Variants in DMD observed in about 807,000 individuals in gnomAD.
DMD encodes mutant dystrophin.
Under a neutral mutation model 330.1 loss-of-function variants are expected in DMD, and 63 were observed. The ratio of observed to expected loss-of-function variants is 0.19; its 90% confidence interval spans 0.16 to 0.24. DMD has a LOEUF of 0.24. Ranked by LOEUF, DMD falls within the 10% of genes least tolerant of loss-of-function variation. The probability of loss-of-function intolerance (pLI) is 1.00; values close to 1 mark genes in which losing one functional copy is unlikely to be tolerated. For missense variants in DMD, 3,344 were observed against 2,684.1 expected (o/e 1.25, Z -5.43); for synonymous variants, 1,223 against 959.8 (o/e 1.27, Z -5.07).
At chrX:32,125,423 A>G (rs901930064) in intron 44 of DMD, among the ~76,000 whole-genome samples, 3 of 111,686 alleles carry the variant, frequency 2.7e-5, no homozygotes, top group Admixed American at 9.5e-5. Flanking sequence ...CTGGATGTGT[A>G]TCGGGTTTGA....
chrX:33,112,705 G>T (rs1379988494), intron 1 of DMD, among the ~76,000 whole-genome samples: 1 of 110,750 alleles, frequency 9.0e-6, no homozygotes. Context: ...TAAAATTGTG[G>T]CTCTTCCTCA....
At position 32,438,263 on chromosome X, in the gene DMD, C is replaced by A. The variant is rs750981128; in HGVS notation, c.4049G>T (p.Arg1350Leu). 1.7e-6 allele frequency: 2 copies of A among 1,209,514 alleles called. No individual in the cohort carries two copies. The highest frequency in any genetic ancestry group is 2.2e-6 in the Non-Finnish European group (2 of 894,958). ...INEELETFNS[R>L]WRELHEEAVR... ...TACCTCTTCATGTAGTTCCCTCCAA[C>A]GAGAATTAAATGTCTCAAGTTCCTC... Residue 1350 changes from arginine (R) to leucine (L), a missense_variant, in exon 29 of 79, where the codon CGT becomes CTT. Coordinates refer to ENST00000357033, the MANE Select transcript of DMD (RefSeq NM_004006.3).
chrX:31,530,619 A>G (rs1323909319), intron 55 of DMD, among the ~76,000 whole-genome samples: 2 of 98,926 alleles, frequency 2.0e-5, no homozygotes, highest in Non-Finnish European at 4.0e-5. Context: ...ACCTTGGTAT[A>G]TACCTAGATA....
At chrX:33,037,038 T>TTGA (rs1372419046) in intron 1 of DMD, among the ~76,000 whole-genome samples, 7 of 111,185 alleles carry the variant, frequency 6.3e-5, no homozygotes. Flanking sequence ...CTGGAAGGTT[T>TTGA]TGATTGCATT....
At chrX:31,284,581 C>CTT (rs967720947) in intron 62 of DMD, among the ~76,000 whole-genome samples, 1 of 95,103 alleles carries the variant, frequency 1.1e-5, no homozygotes, top group African/African-American at 4.1e-5. Context: ...TCTTCTTCTT[C>CTT]TTCTTCTTCT....
intron 47 of DMD, among the ~76,000 whole-genome samples, chrX:31,911,391 C>A (rs1481214922): frequency 4.5e-5 from 5 of 111,880 alleles, no homozygotes; most frequent in African/African-American, 6.5e-5. Context: ...CATTAGGTGA[C>A]TACAAAAGTA....
At chrX:31,959,827 T>A (rs1487312367) in intron 45 of DMD, among the ~76,000 whole-genome samples, 1 of 100,937 alleles carries the variant, frequency 9.9e-6, no homozygotes, top group East Asian at 3.2e-4. Context: ...TGCAATGGCA[T>A]GATCTTGTCT....
At chrX:32,847,281 T>G (rs2080770850) in intron 3 of DMD, among the ~76,000 whole-genome samples, 1 of 111,952 alleles carries the variant, frequency 8.9e-6, no homozygotes, top group Non-Finnish European at 1.9e-5. Context: ...AAACATAGTC[T>G]ACTCTTTTAA....
At chrX:31,229,734 C>G (rs934600514) in intron 63 of DMD, among the ~76,000 whole-genome samples, 2 of 111,731 alleles carry the variant, frequency 1.8e-5, no homozygotes, top group Non-Finnish European at 3.8e-5. Flanking sequence ...CAAATTTTCC[C>G]AAGAAGCCAA....
chrX:33,129,615 T>G (rs1275687593), intron 1 of DMD, among the ~76,000 whole-genome samples: 1 of 108,281 alleles, frequency 9.2e-6, no homozygotes, highest in Non-Finnish European at 1.9e-5. Flanking sequence ...AAAATGTGAC[T>G]GATTTTTTTT....
At chrX:32,359,409 C>A (rs1569559624) in intron 37 of DMD, among the ~76,000 whole-genome samples, 1 of 111,746 alleles carries the variant, frequency 8.9e-6, no homozygotes, top group Non-Finnish European at 1.9e-5. Context: ...TATGACCTAC[C>A]CGTGTTCAAT....
intron 44 of DMD, among the ~76,000 whole-genome samples, chrX:31,972,390 A>G (rs1204422074): frequency 9.0e-6 from 1 of 111,571 alleles, no homozygotes; most frequent in Non-Finnish European, 1.9e-5. Flanking sequence ...TTCTATGAAA[A>G]CATTACGTAC....
intron 44 of DMD, among the ~76,000 whole-genome samples, chrX:32,005,647 G>A (rs1015547974): frequency 9.0e-6 from 1 of 110,737 alleles, no homozygotes; most frequent in Non-Finnish European, 1.9e-5. Flanking sequence ...TGGTGAAAGA[G>A]CTGGGGTATA....
chrX:33,011,255 G>C (rs772053397), intron 2 of DMD, among the ~76,000 whole-genome samples: 1 of 111,086 alleles, frequency 9.0e-6, no homozygotes, highest in Non-Finnish European at 1.9e-5. Flanking sequence ...TCTTATTGTT[G>C]GCTCAACCAG....
intron 55 of DMD, among the ~76,000 whole-genome samples, chrX:31,596,348 T>C (rs994587790): frequency 9.8e-5 from 11 of 112,133 alleles, no homozygotes; most frequent in Non-Finnish European, 1.5e-4. Flanking sequence ...TTTCAAGCGA[T>C]GATGAATAAA....
chrX:32,189,821 T>C (rs2096964475), intron 44 of DMD, among the ~76,000 whole-genome samples: 1 of 111,225 alleles, frequency 9.0e-6, no homozygotes, highest in Non-Finnish European at 1.9e-5. Flanking sequence ...AGTTCATAAC[T>C]GTGCAGTAGA....
At chrX:32,807,144 A>AC (rs1279560829) in intron 7 of DMD, among the ~76,000 whole-genome samples, 10 of 103,769 alleles carry the variant, frequency 9.6e-5, no homozygotes, top group Non-Finnish European at 1.8e-4. Context: ...AAAAAAAAAA[A>AC]AAAAACATCA....
At chrX:32,162,031 G>A (rs2096851160) in intron 44 of DMD, among the ~76,000 whole-genome samples, 1 of 111,587 alleles carries the variant, frequency 9.0e-6, no homozygotes, top group African/African-American at 3.3e-5. Context: ...GGGAAAAGGT[G>A]AGGGAGAGCA....
intron 7 of DMD, among the ~76,000 whole-genome samples, chrX:32,722,154 A>G: frequency 9.1e-6 from 1 of 110,245 alleles, no homozygotes. Flanking sequence ...TAAGTTTTAT[A>G]ATGCTCTTTT....
Sources: allele counts gnomAD v4.1 joint callset (sites outside exome capture counted in the v4.1 genomes callset), GRCh38; gene constraint gnomAD v4.1.1; transcripts MANE v1.5; gene names NCBI Gene and HGNC (gene_info 2026-07-23, HGNC 2026-07-21).